HKDC1: variants seen among roughly 807,000 people sequenced by gnomAD.
HKDC1 encodes hexokinase domain containing 1.
A neutral mutation model predicts 96.6 loss-of-function variants in HKDC1; 66 were observed. That is an observed-to-expected ratio of 0.68 (90% confidence interval 0.56 to 0.84). The LOEUF (loss-of-function observed/expected upper bound fraction) is 0.84, where lower values mean the gene tolerates loss of function less well. Ranked by LOEUF, HKDC1 falls within the 40% of genes least tolerant of loss-of-function variation. The pLI, the probability that HKDC1 is intolerant of heterozygous loss-of-function variation, is 0.00. For missense variants in HKDC1, 1,211 were observed against 1,208.1 expected, an observed-to-expected ratio of 1.00 and a Z score of -0.04; for synonymous variants, 466 against 473.1, an observed-to-expected ratio of 0.98 and a Z score of 0.20.
Position 69,238,602 on chromosome 10 carries a change from T to A in HKDC1, c.496-440T>A, listed in dbSNP as rs1490838937. Among the ~76,000 whole-genome samples, 2 of 29,670 alleles carry A rather than the reference T, an allele frequency of 6.7e-5. 1 individual carries two copies. Among genetic ancestry groups the A allele is most frequent in the Non-Finnish European group, 1.3e-4 (2 of 15,856 alleles). The allele number at this position is 29,670 out of a possible 152,430, so 19.5% of individuals were successfully genotyped here. ...CTTGTTAGCCAGGATGGTCTCGATCTCCTGACCTCATGATCCACCCGCCTC... is the reference window on the plus strand; with the variant it reads ...CTTGTTAGCCAGGATGGTCTCGATCACCTGACCTCATGATCCACCCGCCTC... On this transcript the variant is annotated intron_variant, in intron 4 of 17. Coordinates refer to ENST00000354624, the MANE Select transcript of HKDC1 (RefSeq NM_025130.4).
chr10:69,239,487 T>C (rs1012093727), intron 5 of HKDC1, among the ~76,000 whole-genome samples: 2 of 152,190 alleles, frequency 1.3e-5, no homozygotes, highest in Non-Finnish European at 2.9e-5. Context: ...TCATATACTT[T>C]CCGGGCTGGT....
At chr10:69,227,814 C>A (rs1043446568) in intron 2 of HKDC1, among the ~76,000 whole-genome samples, 1 of 152,130 alleles carries the variant, frequency 6.6e-6, no homozygotes, top group African/African-American at 2.4e-5. Flanking sequence ...ACAGTGTTCC[C>A]AGCACCTAGT....
At chr10:69,250,041 C>A (rs1412722432) in intron 10 of HKDC1, among the ~76,000 whole-genome samples, 1 of 152,188 alleles carries the variant, frequency 6.6e-6, no homozygotes, top group East Asian at 1.9e-4. Context: ...ACCTCACTGG[C>A]GATAGTGTAG....
At chr10:69,235,274 T>G (rs1221012099) in intron 4 of HKDC1, among the ~76,000 whole-genome samples, 1 of 150,140 alleles carries the variant, frequency 6.7e-6, no homozygotes, top group Non-Finnish European at 1.5e-5. Context: ...ATACAAAAAT[T>G]AGCTGGGCCT....
At chr10:69,238,470 G>A (rs1171636435) in intron 4 of HKDC1, among the ~76,000 whole-genome samples, 1 of 66,620 alleles carries the variant, frequency 1.5e-5, no homozygotes, top group Non-Finnish European at 2.9e-5. Flanking sequence ...TCCGCTTCCC[G>A]GGTTCACGCC....
At chr10:69,265,517 T>C in intron 16 of HKDC1, 68 bp from the exon 17 acceptor site, 1 of 1,346,638 alleles carries the variant, frequency 7.4e-7, no homozygotes, top group Non-Finnish European at 1.1e-6. Flanking sequence ...GGGGAGGCTG[T>C]GGGTCACACT....
At chr10:69,237,514 T>C (rs1018210477) in intron 4 of HKDC1, among the ~76,000 whole-genome samples, 8 of 152,198 alleles carry the variant, frequency 5.3e-5, no homozygotes, top group African/African-American at 1.9e-4. Context: ...ATCTACAGTT[T>C]AGCAAATCTA....
intron 17 of HKDC1, 66 bp downstream of exon 17, chr10:69,265,884 C>A (rs1007806123): frequency 1.7e-6 from 2 of 1,176,980 alleles, no homozygotes; most frequent in South Asian, 2.6e-5. Flanking sequence ...GTGGACTTGG[C>A]ATAGCCTCCT....
At chr10:69,224,155 C>A (rs1481246788) in intron 1 of HKDC1, among the ~76,000 whole-genome samples, 4 of 151,610 alleles carry the variant, frequency 2.6e-5, no homozygotes, top group Non-Finnish European at 4.4e-5. Flanking sequence ...TTGCAGTGAG[C>A]TGTGATTGCA....
rs367862457 is a variant in HKDC1 at position 69,264,443 on chromosome 10, G to A, written c.2373-1142G>A. On this transcript the variant is annotated intron_variant, in intron 16 of 17. Coordinates refer to ENST00000354624, the MANE Select transcript of HKDC1 (RefSeq NM_025130.4). ...GGCTGGAGTACAGTGGTATGATCATGGCTCACTGCAACCTCAAACTCCTGA... is the reference window on the plus strand; with the variant it reads ...GGCTGGAGTACAGTGGTATGATCATAGCTCACTGCAACCTCAAACTCCTGA... Among the ~76,000 whole-genome samples, 16 of 150,774 alleles carry A rather than the reference G, an allele frequency of 1.1e-4. No individual in the cohort carries two copies. The South Asian group carries it at 3.4e-3, about 32-fold the overall frequency.
intron 13 of HKDC1, 96 bp from the exon 14 acceptor site, chr10:69,257,231 C>A: frequency 6.9e-7 from 1 of 1,446,836 alleles, no homozygotes; most frequent in Non-Finnish European, 9.7e-7. Context: ...TGGCCTCTGT[C>A]TGCCTTGGGA....
intron 4 of HKDC1, among the ~76,000 whole-genome samples, chr10:69,235,154 G>A (rs545438916): frequency 3.3e-5 from 5 of 152,272 alleles, no homozygotes; most frequent in South Asian, 2.1e-4. Flanking sequence ...AGATGCGGTG[G>A]TTCATGCCTG....
At chr10:69,253,635 T>A (rs1368707147) in intron 12 of HKDC1, among the ~76,000 whole-genome samples, 2 of 152,164 alleles carry the variant, frequency 1.3e-5, no homozygotes, top group African/African-American at 4.8e-5. Flanking sequence ...ATGCATAGCG[T>A]GGGTCTAGCA....
Position 69,265,812 on chromosome 10 carries a change from A to C in HKDC1, c.2600A>C (p.His867Pro). ...GTGGACGGCACCCTGTACAAGCTGC[A>C]CCCTCAGTGAGTGCCCACAAGAGGC... ...VGVDGTLYKL[H>P]PHFSRILQET... Residue 867 changes from histidine (H) to proline (P), a missense_variant, in exon 17 of 18, where the codon CAC becomes CCC. His to Pro is a moderately conservative substitution (Grantham distance 77). Coordinates refer to ENST00000354624, the MANE Select transcript of HKDC1 (RefSeq NM_025130.4). The C allele has an allele frequency of 6.3e-7, 1 of 1,593,242 alleles. No individual in the cohort carries two copies. Among genetic ancestry groups the C allele is most frequent in the Non-Finnish European group, 8.6e-7 (1 of 1,164,510 alleles).
rs764629616 is a variant in HKDC1, at chr10:69,232,727, C to T, written c.227-37C>T. On this transcript the variant is annotated intron_variant, in intron 2 of 17. Transcript: ENST00000354624. ...CAGAGCTTGCCATATCTGTAGTAGACCCTCAATAAATGGAAACTGAATTTG... is the reference window on the plus strand; with the variant it reads ...CAGAGCTTGCCATATCTGTAGTAGATCCTCAATAAATGGAAACTGAATTTG... The T allele has an allele frequency of 1.9e-6, 3 of 1,596,634 alleles. No homozygotes were observed. The African/African-American group carries it at 4.0e-5, about 21-fold the overall frequency.
chr10:69,232,448 C>T lies in HKDC1; in HGVS notation c.227-316C>T, dbSNP rs770692432. The T allele has an allele frequency of 1.2e-4, 35 of 286,000 alleles. 2 individuals are homozygous for T. Among genetic ancestry groups the T allele is most frequent in the Middle Eastern group, 1.2e-3 (1 of 864 alleles). The allele number at this position is 286,000 out of a possible 1,614,324, so 17.7% of individuals were successfully genotyped here. ...GGCATCCCAGGATGGGCTCCACCGT[C>T]GAGGCCACCTCTCATACCACCGCAA... On this transcript the variant is annotated intron_variant, in intron 2 of 17. Coordinates refer to ENST00000354624, the MANE Select transcript of HKDC1 (RefSeq NM_025130.4).
intron 8 of HKDC1, 135 bp downstream of exon 8, chr10:69,246,369 G>C: frequency 1.1e-6 from 1 of 935,830 alleles, no homozygotes; most frequent in Non-Finnish European, 1.6e-6. Flanking sequence ...CCTGGGCATG[G>C]CTTCAGATGG....
At chr10:69,239,004 C>T (rs755780687) in intron 4 of HKDC1, 38 bp from the exon 5 acceptor site, 34 of 1,468,958 alleles carry the variant, frequency 2.3e-5, no homozygotes, top group African/African-American at 9.7e-5. Context: ...CATCTCAGCA[C>T]GTCTTTCATT....
intron 9 of HKDC1, 39 bp downstream of exon 9, chr10:69,247,632 C>A: frequency 6.5e-7 from 1 of 1,532,042 alleles, no homozygotes; most frequent in Non-Finnish European, 9.0e-7. Flanking sequence ...ACAAATGAGT[C>A]TCCCTGGAGC....
Sources: allele counts gnomAD v4.1 joint callset (sites outside exome capture counted in the v4.1 genomes callset), GRCh38; gene constraint gnomAD v4.1.1; transcripts MANE v1.5; gene names NCBI Gene and HGNC (gene_info 2026-07-23, HGNC 2026-07-21).